LAMA1: variants seen among roughly 807,000 people sequenced by gnomAD.
LAMA1 encodes laminin subunit alpha 1, also known as laminin subunit alpha-1.
LAMA1 carries 219 observed loss-of-function variants against 348.7 expected under a neutral mutation model. The observed-to-expected ratio is 0.63, with a 90% CI of 0.56 to 0.70. The LOEUF (loss-of-function observed/expected upper bound fraction) is 0.70, where lower values mean the gene tolerates loss of function less well. Among genes scored for constraint, LAMA1 ranks in the 30% least tolerant of loss-of-function variants. LAMA1 has a pLI of 0.00. For missense variants in LAMA1, 3,744 were observed against 3,888.0 expected, an observed-to-expected ratio of 0.96 and a Z score of 0.99; for synonymous variants, 1,487 against 1,491.0, an observed-to-expected ratio of 1.00 and a Z score of 0.06.
intron 6 of LAMA1, among the ~76,000 whole-genome samples, chr18:7,046,022 T>A (rs916813241): frequency 6.6e-6 from 1 of 152,080 alleles, no homozygotes; most frequent in African/African-American, 2.4e-5. Context: ...AACTGTACAC[T>A]TTCAAATGGT....
chr18:7,021,744 A>G (rs6506461), intron 19 of LAMA1, among the ~76,000 whole-genome samples: 50,272 of 146,538 alleles, frequency 0.34, 9,558 homozygotes, highest in African/African-American at 0.5. Flanking sequence ...TTTAAATTAC[A>G]TGGGTGGTTT....
Position 7,008,621 on chromosome 18 carries a change from C to T in LAMA1, c.4002-13G>A. ...AATGTCTGAGATTCTGTGCAGCCATCATGTTAAGAGAGGAAACGCTAACAT... is the reference window on the plus strand; with the variant it reads ...AATGTCTGAGATTCTGTGCAGCCATTATGTTAAGAGAGGAAACGCTAACAT... On this transcript the variant is annotated splice_polypyrimidine_tract_variant and intron_variant, in intron 27 of 62. Transcript: ENST00000389658. The T allele has an allele frequency of 6.2e-7, 1 of 1,613,678 alleles. No individual in the cohort carries two copies. Among genetic ancestry groups the T allele is most frequent in the Non-Finnish European group, 8.5e-7 (1 of 1,179,824 alleles).
At chr18:6,952,942 G>A (rs1223533815) in intron 57 of LAMA1, among the ~76,000 whole-genome samples, 3 of 149,126 alleles carry the variant, frequency 2.0e-5, no homozygotes, top group Non-Finnish European at 4.4e-5. Context: ...GTGTCCAGTG[G>A]ATCCACACCA....
chr18:7,070,457 T>C (rs543779833), intron 3 of LAMA1, among the ~76,000 whole-genome samples: 27 of 152,360 alleles, frequency 1.8e-4, no homozygotes, highest in Middle Eastern at 3.4e-3. Flanking sequence ...CCCTATTTTC[T>C]TGTTGACCTT....
intron 24 of LAMA1, 114 bp downstream of exon 24, chr18:7,011,881 T>C (rs1216773525): frequency 7.8e-6 from 10 of 1,283,320 alleles, no homozygotes; most frequent in East Asian, 2.5e-5. Context: ...TCCTAGAATT[T>C]TGGATGCCAT....
chr18:7,010,053 C>T, intron 26 of LAMA1, 147 bp downstream of exon 26: 1 of 815,590 alleles, frequency 1.2e-6, no homozygotes, highest in Non-Finnish European at 2.0e-6. Context: ...GTGATCCACC[C>T]ACCTCGGCTT....
intron 57 of LAMA1, 118 bp from the exon 58 acceptor site, chr18:6,951,089 G>T: frequency 1.1e-6 from 1 of 870,692 alleles, no homozygotes; most frequent in Admixed American, 2.0e-5. Flanking sequence ...AGGAGAGAGG[G>T]GTATTCATTC....
intron 48 of LAMA1, among the ~76,000 whole-genome samples, chr18:6,968,254 G>T (rs1017843113): frequency 2.0e-5 from 3 of 152,148 alleles, no homozygotes; most frequent in African/African-American, 4.8e-5. Context: ...GCTCAGCCCC[G>T]TGAGTCTGGA....
At chr18:6,954,940 A>ATCTC in intron 57 of LAMA1, 2 of 321,588 alleles carry the variant, frequency 6.2e-6, no homozygotes, top group Non-Finnish European at 6.0e-6. Flanking sequence ...GAAGGTGCAG[A>ATCTC]GAGGGGTGGG....
chr18:7,115,602 G>T (rs1383971637), intron 1 of LAMA1, among the ~76,000 whole-genome samples: 1 of 151,422 alleles, frequency 6.6e-6, no homozygotes, highest in Non-Finnish European at 1.5e-5. Flanking sequence ...TGCAGGTCAG[G>T]ATTATTGACC....
intron 42 of LAMA1, among the ~76,000 whole-genome samples, chr18:6,980,134 C>T (rs188763641): frequency 7.1e-4 from 108 of 152,294 alleles, no homozygotes; most frequent in South Asian, 3.9e-3. Context: ...GTCTTCAGTT[C>T]GCCACACTGA....
At position 6,975,021 on chromosome 18, in the gene LAMA1, C is replaced by T. The variant is rs747747527; in HGVS notation, c.6505G>A (p.Val2169Met). The T allele has an allele frequency of 2.2e-5, 36 of 1,613,850 alleles. No homozygotes were observed. The highest frequency in any genetic ancestry group is 5.0e-5 in the Admixed American group (3 of 59,996). ...GSSTASDFLA[V>M]EMRRGRVAFL... Reference sequence around the variant, plus strand: ...GCCACTCTCCCTCGCCGCATCTCCACTGCAAGGAAATCAGACTGGGGGGCG... The same window carrying T: ...GCCACTCTCCCTCGCCGCATCTCCATTGCAAGGAAATCAGACTGGGGGGCG... Residue 2169 changes from valine to methionine, a missense_variant, in exon 46 of 63, where the codon GTG becomes ATG. By Grantham distance (21) the Val-to-Met change is conservative. Transcript: ENST00000389658.
At chr18:7,045,341 G>A (rs971131983) in intron 6 of LAMA1, among the ~76,000 whole-genome samples, 1 of 151,972 alleles carries the variant, frequency 6.6e-6, no homozygotes, top group Admixed American at 6.6e-5. Flanking sequence ...ATGGTGGCAC[G>A]TGCCTGTAAT....
Position 6,977,776 on chromosome 18 carries a change from A to G in LAMA1, c.6296T>C (p.Leu2099Pro), listed in dbSNP as rs1179443970. The change falls in exon 44 of 63, where the codon CTA (leucine) becomes CCA (proline). Residue 2099 changes from leucine (L) to proline (P), a missense_variant. This residue lies in a region of LAMA1 where 1,983 missense variants were observed against 1,934.3 expected (regional missense o/e 1.03). Coordinates refer to ENST00000389658, the MANE Select transcript of LAMA1 (RefSeq NM_005559.4). ...GCTGATCAACAGTTTAATTTCTGATAGGTTTCTGCTCAGATTCTCCTCTAA... is the reference window on the plus strand; with the variant it reads ...GCTGATCAACAGTTTAATTTCTGATGGGTTTCTGCTCAGATTCTCCTCTAA... ...KMLEENLSRN[L>P]SEIKLLISQA... The G allele has an allele frequency of 6.2e-7, 1 of 1,614,200 alleles. No homozygotes were observed. Among genetic ancestry groups the G allele is most frequent in the South Asian group, 1.1e-5 (1 of 91,084 alleles).
intron 30 of LAMA1, 21 bp downstream of exon 30, chr18:7,002,243 G>T: frequency 6.2e-7 from 1 of 1,609,372 alleles, no homozygotes; most frequent in Non-Finnish European, 8.5e-7. Flanking sequence ...CAGCATGCCA[G>T]CTGCCCCTGT....
chr18:7,059,743 A>G (rs759842046), intron 3 of LAMA1, among the ~76,000 whole-genome samples: 12 of 152,196 alleles, frequency 7.9e-5, no homozygotes, highest in Non-Finnish European at 1.3e-4. Context: ...TCTCCATAAA[A>G]GAACCTACCT....
intron 6 of LAMA1, among the ~76,000 whole-genome samples, chr18:7,045,772 T>C (rs1361092921): frequency 6.6e-6 from 1 of 152,058 alleles, no homozygotes; most frequent in Non-Finnish European, 1.5e-5. Flanking sequence ...TTGGCCAGAC[T>C]GGTCTCAAAT....
intron 23 of LAMA1, among the ~76,000 whole-genome samples, chr18:7,012,795 G>A (rs190673885): frequency 6.7e-4 from 100 of 149,604 alleles, no homozygotes; most frequent in African/African-American, 2.3e-3. Context: ...ATGAGCCACC[G>A]TGCTTGGCCC....
chr18:7,032,422 C>T (rs920100765), intron 15 of LAMA1, among the ~76,000 whole-genome samples: 4 of 152,110 alleles, frequency 2.6e-5, no homozygotes, highest in South Asian at 2.1e-4. Flanking sequence ...CACACAAAAA[C>T]GTAATGGTTG....
Sources: gnomAD v4.1 joint callset for allele counts (sites outside exome capture counted in the v4.1 genomes callset) on GRCh38, gnomAD v4.1.1 for gene constraint, gnomAD v4.1.1 regional missense constraint, MANE v1.5 for transcripts, NCBI Gene and HGNC (gene_info 2026-07-23, HGNC 2026-07-21) for gene names.